DSCAM: variants seen among roughly 807,000 people sequenced by gnomAD.
DSCAM encodes cell adhesion molecule DSCAM.
In DSCAM, 47 loss-of-function variants were observed where a neutral mutation model predicts 217.7. The ratio of observed to expected loss-of-function variants is 0.22; its 90% CI spans 0.17 to 0.28. DSCAM has a LOEUF of 0.28. DSCAM is among the 10% of genes least tolerant of loss of function. The probability of loss-of-function intolerance (pLI) is 1.00; values close to 1 mark genes in which losing one functional copy is unlikely to be tolerated. For synonymous variants in DSCAM, 1,056 were observed against 1,015.3 expected, an observed-to-expected ratio of 1.04 and a Z score of -0.76; for missense variants, 2,080 against 2,618.3, an observed-to-expected ratio of 0.79 and a Z score of 4.49.
At chr21:40,276,334 T>C in intron 10 of DSCAM, 64 bp from the exon 11 acceptor site, 2 of 1,467,814 alleles carry the variant, frequency 1.4e-6, no homozygotes, top group Non-Finnish European at 1.8e-6. Flanking sequence ...AGACAACGAG[T>C]TCAAGTACAC....
Position 40,144,566 on chromosome 21 carries a change from G to T in DSCAM, c.3184C>A (p.Leu1062Met). ...DNLNKFTQYGLVVQACNRAGT... is the reference protein window; with the variant it reads ...DNLNKFTQYGMVVQACNRAGT... Reference sequence around the variant, plus strand: ...GCCCGGTTACAGGCCTGCACCACCAGGCCGTACTGAGTGAACTTATTCAGG... The same window carrying T: ...GCCCGGTTACAGGCCTGCACCACCATGCCGTACTGAGTGAACTTATTCAGG... The change falls in exon 17 of 33, where the codon CTG becomes ATG. Residue 1062 changes from leucine (L) to methionine (M), a missense_variant. Transcript: ENST00000400454. This position sits in a 1 kb window ranked among gnomAD's most constrained non-coding sequence, Gnocchi z 4.8. The T allele has an allele frequency of 6.2e-7, 1 of 1,614,188 alleles. No homozygotes were observed. The highest frequency in any genetic ancestry group is 1.3e-5 in the African/African-American group (1 of 75,040).
chr21:40,308,184 G>A lies in DSCAM; in HGVS notation c.2062+3897C>T, dbSNP rs561255884. The stretch of plus-strand genomic sequence containing the variant: ...ATTGAATGCAGTACATTGTGGATAC[G>A]CTATGCTGTTGGGGGTCTGGATTTT... On this transcript the variant is annotated intron_variant, in intron 9 of 32. Coordinates refer to ENST00000400454, the MANE Select transcript of DSCAM (RefSeq NM_001389.5). Among the ~76,000 whole-genome samples the A allele has an allele frequency of 1.6e-4, 24 of 152,298 alleles. 1 individual carries two copies. In the South Asian group the frequency reaches 4.4e-3, roughly 28 times the overall value.
intron 3 of DSCAM, among the ~76,000 whole-genome samples, chr21:40,389,903 A>G (rs976365707): frequency 1.3e-5 from 2 of 152,230 alleles, no homozygotes; most frequent in African/African-American, 4.8e-5. Context: ...TAAATGAGAA[A>G]GAATGTATCC....
At chr21:40,813,645 G>C (rs376517575) in intron 1 of DSCAM, among the ~76,000 whole-genome samples, 1 of 126,514 alleles carries the variant, frequency 7.9e-6, no homozygotes, top group Non-Finnish European at 1.7e-5. Context: ...TTTCTTTCTT[G>C]TTTTTTTTTT....
intron 3 of DSCAM, among the ~76,000 whole-genome samples, chr21:40,578,210 T>A (rs958074110): frequency 6.6e-6 from 1 of 151,942 alleles, no homozygotes; most frequent in African/African-American, 2.4e-5. Context: ...AACCCTTCTG[T>A]GAATAGCCCA....
At chr21:40,516,056 G>T (rs1235686381) in intron 3 of DSCAM, among the ~76,000 whole-genome samples, 5 of 151,856 alleles carry the variant, frequency 3.3e-5, no homozygotes, top group African/African-American at 1.2e-4. Context: ...TAATGATAAG[G>T]TAGTTCACAT....
In DSCAM at chr21:40,781,992, C is replaced by CAAAAAA. The variant is rs57750960; in HGVS notation, c.43+64621_43+64626dup. Among the ~76,000 whole-genome samples the CAAAAAA allele has an allele frequency of 1.1e-3, 114 of 106,332 alleles. 1 individual carries two copies. Among genetic ancestry groups the CAAAAAA allele is most frequent in the Non-Finnish European group, 1.1e-3 (63 of 57,116 alleles). 69.8% of individuals were successfully genotyped at this position (106,332 alleles called of 152,430 possible). Reference sequence around the variant, plus strand: ...TGAAACCCCATCTCTACTAAAAATACAAAAAAAAAAAAAAAAAAGAAAAAA... The same window carrying CAAAAAA: ...TGAAACCCCATCTCTACTAAAAATACAAAAAAAAAAAAAAAAAAAAAAAAGAAAAAA... On this transcript the variant is annotated intron_variant, in intron 1 of 32. Coordinates refer to ENST00000400454, the MANE Select transcript of DSCAM (RefSeq NM_001389.5).
intron 1 of DSCAM, among the ~76,000 whole-genome samples, chr21:40,735,756 A>G (rs529866616): frequency 1.3e-5 from 2 of 152,352 alleles, no homozygotes; most frequent in South Asian, 4.1e-4. Context: ...AATCTGTTGC[A>G]TTCTGCACTA....
At chr21:40,581,647 G>A (rs776829123) in intron 3 of DSCAM, among the ~76,000 whole-genome samples, 3 of 152,076 alleles carry the variant, frequency 2.0e-5, no homozygotes, top group Non-Finnish European at 4.4e-5. Flanking sequence ...TCCAAAATAC[G>A]ACTTTCTGCT....
intron 3 of DSCAM, among the ~76,000 whole-genome samples, chr21:40,551,172 G>T (rs1299273525): frequency 6.6e-6 from 1 of 152,142 alleles, no homozygotes; most frequent in Admixed American, 6.5e-5. Flanking sequence ...CAGGTGGTTG[G>T]GTTACAGCTT....
In DSCAM at chr21:40,413,814, A is replaced by C. The variant is rs1357162312; in HGVS notation, c.509-44569T>G. On this transcript the variant is annotated intron_variant, in intron 3 of 32. Transcript: ENST00000400454. Reference sequence around the variant, plus strand: ...AAAACAGACCCACACAGATAGAGTTAATTGGTTTTCAACAAATGTGCACAG... The same window carrying C: ...AAAACAGACCCACACAGATAGAGTTCATTGGTTTTCAACAAATGTGCACAG... Among the ~76,000 whole-genome samples the C allele has an allele frequency of 3.9e-5, 6 of 152,232 alleles. No individual in the cohort carries two copies. The East Asian group carries it at 1.2e-3, about 29-fold the overall frequency.
intron 3 of DSCAM, among the ~76,000 whole-genome samples, chr21:40,542,239 A>G (rs766108850): frequency 6.6e-6 from 1 of 152,208 alleles, no homozygotes; most frequent in African/African-American, 2.4e-5. Flanking sequence ...ATCTATACAT[A>G]TCGTTGGGAA....
chr21:40,121,679 G>GTTTTTTT (rs1568951642), intron 20 of DSCAM, among the ~76,000 whole-genome samples: 4 of 76,698 alleles, frequency 5.2e-5, no homozygotes, highest in Non-Finnish European at 1.1e-4. Flanking sequence ...TCTCATTACT[G>GTTTTTTT]TCTTTTTTTT....
chr21:40,659,045 C>A (rs926411328), intron 3 of DSCAM, among the ~76,000 whole-genome samples: 80 of 152,260 alleles, frequency 5.3e-4, no homozygotes, highest in African/African-American at 1.7e-3. Flanking sequence ...GGGGAGGCAT[C>A]TTGGGATACC....
At chr21:40,732,638 A>C (rs993937734) in intron 1 of DSCAM, among the ~76,000 whole-genome samples, 3 of 152,232 alleles carry the variant, frequency 2.0e-5, no homozygotes, top group African/African-American at 7.2e-5. Context: ...ATGCTTTGCA[A>C]AATAAGTTAC....
chr21:40,186,037 C>CAG (rs1201006057), intron 14 of DSCAM, among the ~76,000 whole-genome samples: 2 of 152,332 alleles, frequency 1.3e-5, no homozygotes, highest in East Asian at 3.9e-4. Context: ...TGTGCATTTC[C>CAG]AACCCAGCAG....
chr21:40,679,482 GT>G (rs2090376177), intron 3 of DSCAM, among the ~76,000 whole-genome samples: 1 of 152,188 alleles, frequency 6.6e-6, no homozygotes, highest in African/African-American at 2.4e-5. Flanking sequence ...CATCTGTAAA[GT>G]GGGGCCGACA....
At chr21:40,781,216 C>T (rs1397787729) in intron 1 of DSCAM, among the ~76,000 whole-genome samples, 4 of 152,066 alleles carry the variant, frequency 2.6e-5, no homozygotes, top group East Asian at 3.9e-4. Flanking sequence ...GATGGGGTTT[C>T]ACCATGTTGG....
At chr21:40,214,375 C>T (rs1388028167) in intron 11 of DSCAM, among the ~76,000 whole-genome samples, 1 of 152,168 alleles carries the variant, frequency 6.6e-6, no homozygotes, top group Non-Finnish European at 1.5e-5. Flanking sequence ...ATTTTGGAGC[C>T]TATAAAGAAA....
Sources: gnomAD v4.1 joint callset for allele counts (sites outside exome capture counted in the v4.1 genomes callset) on GRCh38, gnomAD v4.1.1 for gene constraint, Gnocchi (gnomAD v3.1) non-coding constraint, MANE v1.5 for transcripts, NCBI Gene and HGNC (gene_info 2026-07-23, HGNC 2026-07-21) for gene names.